Variants in COL19A1 observed in about 807,000 individuals in gnomAD.
COL19A1 encodes collagen alpha-1(XIX) chain.
Under a neutral mutation model 190.2 loss-of-function variants are expected in COL19A1, and 159 were observed. That is an observed-to-expected ratio of 0.84 (90% CI 0.73 to 0.95). The LOEUF (loss-of-function observed/expected upper bound fraction) is 0.95, where lower values mean the gene tolerates loss of function less well. COL19A1 is among the 40% of genes least tolerant of loss of function. The pLI, the probability that COL19A1 is intolerant of heterozygous loss-of-function variation, is 0.00. For missense variants in COL19A1, 1,418 were observed against 1,431.9 expected, an observed-to-expected ratio of 0.99 and a Z score of 0.16; for synonymous variants, 509 against 458.9, an observed-to-expected ratio of 1.11 and a Z score of -1.39.
intron 15 of COL19A1, among the ~76,000 whole-genome samples, chr6:70,073,106 C>A (rs1346106174): frequency 6.6e-6 from 1 of 151,880 alleles, no homozygotes; most frequent in Non-Finnish European, 1.5e-5. Flanking sequence ...TCCTGCCTCA[C>A]CCTCCCAAGT....
chr6:69,918,184 C>T (rs1771439121), intron 4 of COL19A1, among the ~76,000 whole-genome samples: 1 of 152,156 alleles, frequency 6.6e-6, no homozygotes, highest in African/African-American at 2.4e-5. Context: ...AGGAACCATG[C>T]AACACTTTTA....
At chr6:70,163,979 A>G (rs1402350418) in intron 36 of COL19A1, among the ~76,000 whole-genome samples, 1 of 152,072 alleles carries the variant, frequency 6.6e-6, no homozygotes, top group Non-Finnish European at 1.5e-5. Flanking sequence ...CACTAATCCT[A>G]TTCATGAAGG....
intron 4 of COL19A1, among the ~76,000 whole-genome samples, chr6:69,911,598 A>G (rs1770922083): frequency 6.6e-6 from 1 of 152,246 alleles, no homozygotes; most frequent in Admixed American, 6.5e-5. Flanking sequence ...AGTTGACCAG[A>G]TGTTTTGTGT....
chr6:69,879,778 C>A, intron 2 of COL19A1, 120 bp downstream of exon 2: 2 of 846,432 alleles, frequency 2.4e-6, no homozygotes, highest in South Asian at 1.9e-5. Flanking sequence ...GAATAAATTA[C>A]AATTCATTGC....
At chr6:70,090,572 A>G (rs1223015675) in intron 15 of COL19A1, among the ~76,000 whole-genome samples, 1 of 148,300 alleles carries the variant, frequency 6.7e-6, no homozygotes, top group Admixed American at 6.7e-5. Flanking sequence ...TGTACATATA[A>G]TCGACTCTAC....
intron 15 of COL19A1, among the ~76,000 whole-genome samples, chr6:70,074,912 A>G (rs1781795033): frequency 6.6e-6 from 1 of 152,194 alleles, no homozygotes; most frequent in South Asian, 2.1e-4. Context: ...GTCAAAAATT[A>G]CTTTAAATAA....
chr6:70,073,590 G>T (rs544553255), intron 15 of COL19A1, among the ~76,000 whole-genome samples: 5 of 152,138 alleles, frequency 3.3e-5, no homozygotes, highest in Non-Finnish European at 1.5e-5. Flanking sequence ...CTACTCTGTT[G>T]AATCTATTTT....
Position 70,209,065 on chromosome 6 carries a change from A to G in COL19A1, c.*1791A>G, listed in dbSNP as rs368318777. 23 of 152,272 alleles carry G rather than the reference A, an allele frequency of 1.5e-4. No homozygotes were observed. In the South Asian group the frequency reaches 2.3e-3, roughly 15 times the overall value. The allele number at this position is 152,272 out of a possible 1,614,324, so 9.4% of individuals were successfully genotyped here. On this transcript the variant is annotated 3_prime_UTR_variant, in exon 51 of 51. Coordinates refer to ENST00000620364, the MANE Select transcript of COL19A1 (RefSeq NM_001858.6). Reference sequence around the variant, plus strand: ...TTTTTTTCGTTTTCTTTCTTGTGCAATACCTACAATGGTGCTGTGTTTTAA... The same window carrying G: ...TTTTTTTCGTTTTCTTTCTTGTGCAGTACCTACAATGGTGCTGTGTTTTAA...
In COL19A1 at chr6:70,150,046, G is replaced by C. The variant is rs758436752; in HGVS notation, c.2037+1G>C. 1 of 1,613,608 alleles carries C rather than the reference G, an allele frequency of 6.2e-7. No homozygotes were observed. The highest frequency in any genetic ancestry group is 8.5e-7 in the Non-Finnish European group (1 of 1,179,790). On this transcript the variant is annotated splice_donor_variant, in intron 30 of 50. Transcript: ENST00000620364. LOFTEE classifies it high-confidence loss of function. ...CCTGCCAGGCCCCCCAGGTGACCCGGTATGTAGACAAACCTTGTCTGATTT... is the reference window on the plus strand; with the variant it reads ...CCTGCCAGGCCCCCCAGGTGACCCGCTATGTAGACAAACCTTGTCTGATTT...
intron 1 of COL19A1, among the ~76,000 whole-genome samples, chr6:69,877,917 A>T (rs1768239618): frequency 6.6e-6 from 1 of 152,070 alleles, no homozygotes; most frequent in Non-Finnish European, 1.5e-5. Flanking sequence ...AGGCAGGAGA[A>T]TTGCTTGAAC....
chr6:69,921,796 ATATGTATATTCGTATGTAGATTCG>A (rs1771975924), intron 4 of COL19A1, among the ~76,000 whole-genome samples: 1 of 150,478 alleles, frequency 6.6e-6, no homozygotes, highest in Admixed American at 6.7e-5. Context: ...GTAGATTCGT[ATATGTATATTCGTATGTAGATTCG>A]TATATATATT....
At chr6:70,043,048 G>A (rs1182774243) in intron 14 of COL19A1, among the ~76,000 whole-genome samples, 2 of 152,218 alleles carry the variant, frequency 1.3e-5, no homozygotes, top group Middle Eastern at 3.4e-3. Context: ...CCAAATTCCT[G>A]TTAATGTTGA....
chr6:70,067,028 T>C (rs1383086191), intron 14 of COL19A1, among the ~76,000 whole-genome samples: 1 of 152,176 alleles, frequency 6.6e-6, no homozygotes, highest in Non-Finnish European at 1.5e-5. Context: ...ATATAGATTC[T>C]GTTATAGATT....
intron 3 of COL19A1, 90 bp downstream of exon 3, chr6:69,899,112 T>C (rs1436255909): frequency 1.3e-6 from 1 of 789,360 alleles, no homozygotes; most frequent in African/African-American, 1.7e-5. Flanking sequence ...GAATCTTTGA[T>C]ACTGCAATTT....
intron 14 of COL19A1, among the ~76,000 whole-genome samples, chr6:70,043,542 C>T (rs905421789): frequency 6.6e-6 from 1 of 152,336 alleles, no homozygotes; most frequent in East Asian, 1.9e-4. Flanking sequence ...ATTACTCCTT[C>T]ACCCATGGGC....
At chr6:69,928,515 G>T (rs1466709967) in intron 5 of COL19A1, among the ~76,000 whole-genome samples, 1 of 152,140 alleles carries the variant, frequency 6.6e-6, no homozygotes, top group East Asian at 1.9e-4. Flanking sequence ...CAAGAAAAGA[G>T]ATCTGAAAAA....
chr6:70,121,952 CT>C lies in COL19A1; in HGVS notation c.1341+16del. Reference sequence around the variant, plus strand: ...TAACAAGGATAACAAGGTATGGCTTCTTTTTTCCCATAATTTATAATACATA... The same window carrying C: ...TAACAAGGATAACAAGGTATGGCTTCTTTTTCCCATAATTTATAATACATA... On this transcript the variant is annotated intron_variant, in intron 17 of 50. Transcript: ENST00000620364. 3.3e-6 allele frequency: 5 copies of C among 1,526,512 alleles called. No individual in the cohort carries two copies. The highest frequency in any genetic ancestry group is 2.6e-5 in the South Asian group (2 of 78,182). The allele number at this position is 1,526,512 out of a possible 1,614,324, so 94.6% of individuals were successfully genotyped here. A position where few individuals can be genotyped will look rare whatever the true frequency, so the allele number is the denominator to read the frequency against.
chr6:70,138,580 C>T (rs764178099), intron 19 of COL19A1, among the ~76,000 whole-genome samples: 1 of 152,088 alleles, frequency 6.6e-6, no homozygotes, highest in Non-Finnish European at 1.5e-5. Context: ...ATTGGTTTAT[C>T]AGGGGATAAA....
chr6:70,165,455 C>T (rs956572869), intron 36 of COL19A1, among the ~76,000 whole-genome samples: 2 of 152,180 alleles, frequency 1.3e-5, no homozygotes, highest in Non-Finnish European at 2.9e-5. Flanking sequence ...AAGTTTCCCT[C>T]CTGCAGACAC....
Sources: allele counts gnomAD v4.1 joint callset (sites outside exome capture counted in the v4.1 genomes callset), GRCh38; gene constraint gnomAD v4.1.1; transcripts MANE v1.5; gene names NCBI Gene and HGNC (gene_info 2026-07-23, HGNC 2026-07-21).